Variants in PBX1 observed in about 807,000 individuals in gnomAD.
PBX1 encodes the protein PBX homeobox 1.
A neutral mutation model predicts 53.4 loss-of-function variants in PBX1; 6 were observed. That is an observed-to-expected ratio of 0.11 (90% CI 0.06 to 0.22). The LOEUF is 0.22. Ranked by LOEUF, PBX1 falls within the 10% of genes least tolerant of loss-of-function variation. PBX1 has a pLI of 1.00. For synonymous variants in PBX1, 204 were observed against 212.3 expected, an observed-to-expected ratio of 0.96 and a Z score of 0.34; for missense variants, 251 against 551.4, an observed-to-expected ratio of 0.46 and a Z score of 5.46.
At chr1:164,606,045 A>G (rs1656524798) in intron 2 of PBX1, among the ~76,000 whole-genome samples, 1 of 152,198 alleles carries the variant, frequency 6.6e-6, no homozygotes, top group Admixed American at 6.5e-5. Context: ...AAGCATATTG[A>G]TGATAGTGAA....
rs78785237 is a variant in PBX1, at chr1:164,673,776, C to G, written c.265+110465C>G. ...CTAGATGAAACTTTTATGGGAATGC[C>G]GTGATTCCACGCGGATCTCTCGGCA... On this transcript the variant is annotated intron_variant, in intron 2 of 8. Transcript: ENST00000420696. Among the ~76,000 whole-genome samples, 1,127 of 152,232 alleles carry G rather than the reference C, an allele frequency of 7.4e-3. 14 individuals are homozygous for G. Among genetic ancestry groups the G allele is most frequent in the African/African-American group, 0.026 (1,077 of 41,556 alleles).
At chr1:164,649,532 T>C (rs942132942) in intron 2 of PBX1, among the ~76,000 whole-genome samples, 5 of 152,140 alleles carry the variant, frequency 3.3e-5, no homozygotes, top group Admixed American at 6.5e-5. Flanking sequence ...CGAAAGTGGC[T>C]GTTTTCTGGT....
chr1:164,761,723 G>C (rs921153344), intron 2 of PBX1, among the ~76,000 whole-genome samples: 3 of 152,184 alleles, frequency 2.0e-5, no homozygotes, highest in Non-Finnish European at 4.4e-5. Context: ...GATTACAGGC[G>C]TGAGCCACCG....
chr1:164,569,869 GCT>G (rs1356424430), intron 2 of PBX1, among the ~76,000 whole-genome samples: 13 of 152,016 alleles, frequency 8.6e-5, no homozygotes, highest in African/African-American at 3.1e-4. Flanking sequence ...TGTTTCCCTT[GCT>G]ATTCTCTTAA....
chr1:164,621,378 A>G (rs537234878), intron 2 of PBX1, among the ~76,000 whole-genome samples: 1 of 152,312 alleles, frequency 6.6e-6, no homozygotes, highest in African/African-American at 2.4e-5. Context: ...GGGGGCGAGA[A>G]TTAGGTTCCC....
intron 2 of PBX1, among the ~76,000 whole-genome samples, chr1:164,703,619 G>A (rs563265734): frequency 6.6e-6 from 1 of 152,308 alleles, no homozygotes; most frequent in African/African-American, 2.4e-5. Context: ...ACATGTGACA[G>A]CTTGGGTGTC....
intron 2 of PBX1, among the ~76,000 whole-genome samples, chr1:164,681,397 C>T (rs948182375): frequency 2.0e-5 from 3 of 151,688 alleles, no homozygotes; most frequent in African/African-American, 7.3e-5. Context: ...GGAATGAACA[C>T]TAGAAAGTAA....
intron 2 of PBX1, among the ~76,000 whole-genome samples, chr1:164,756,084 G>A (rs1191413193): frequency 6.6e-6 from 1 of 151,918 alleles, no homozygotes; most frequent in Non-Finnish European, 1.5e-5. Flanking sequence ...TAATATCTGT[G>A]CTGGCACGTT....
chr1:164,811,943 T>C, intron 5 of PBX1, 47 bp from the exon 6 acceptor site: 1 of 1,540,162 alleles, frequency 6.5e-7, no homozygotes, highest in South Asian at 1.2e-5. Context: ...GCAATGTTTC[T>C]GAAGGATGAA....
At chr1:164,884,890 G>GTA (rs1238140555) in intron 2 of PBX1, among the ~76,000 whole-genome samples, 2 of 152,218 alleles carry the variant, frequency 1.3e-5, no homozygotes, top group South Asian at 2.1e-4. Flanking sequence ...GAATAGCTAG[G>GTA]TATATATATG....
At chr1:164,842,241 C>G (rs1671338336) in intron 8 of PBX1, among the ~76,000 whole-genome samples, 1 of 152,148 alleles carries the variant, frequency 6.6e-6, no homozygotes, top group African/African-American at 2.4e-5. Flanking sequence ...GTTTTGGTTG[C>G]AATTCTGTGT....
chr1:164,846,891 C>T lies in PBX1; in HGVS notation c.*215C>T. On this transcript the variant is annotated 3_prime_UTR_variant, in exon 9 of 9. Coordinates refer to ENST00000420696, the MANE Select transcript of PBX1 (RefSeq NM_002585.4). ...TTCCCTTTTTTTTCTGGGTAGAAGC[C>T]ACCCTTCCCTGCCTCCAGCTGTCAG... 2 of 1,387,572 alleles carry T rather than the reference C, an allele frequency of 1.4e-6. No homozygotes were observed. Among genetic ancestry groups the T allele is most frequent in the Non-Finnish European group, 1.9e-6 (2 of 1,070,412 alleles). 86.0% of individuals were successfully genotyped at this position (1,387,572 alleles called of 1,614,324 possible).
chr1:164,884,213 T>C (rs1277679953), intron 2 of PBX1, among the ~76,000 whole-genome samples: 4 of 152,230 alleles, frequency 2.6e-5, no homozygotes, highest in African/African-American at 9.6e-5. Context: ...ATCACATTTT[T>C]TTCTTAAAAA....
chr1:164,805,300 T>C (rs771301895), intron 4 of PBX1, among the ~76,000 whole-genome samples: 8 of 152,168 alleles, frequency 5.3e-5, no homozygotes, highest in Non-Finnish European at 1.0e-4. Context: ...CTCAACCTTA[T>C]TGTAGAAAGG....
intron 2 of PBX1, among the ~76,000 whole-genome samples, chr1:164,740,505 G>A (rs1665548365): frequency 1.3e-5 from 2 of 152,018 alleles, no homozygotes; most frequent in African/African-American, 4.8e-5. Context: ...GATGTAAAAA[G>A]CAAACCCATA....
At chr1:164,846,188 A>G (rs1671561349) in intron 8 of PBX1, among the ~76,000 whole-genome samples, 1 of 152,142 alleles carries the variant, frequency 6.6e-6, no homozygotes, top group Non-Finnish European at 1.5e-5. Flanking sequence ...TTATTTTTCA[A>G]AAAAGAAGAC....
chr1:164,752,711 G>C (rs113309146), intron 2 of PBX1, among the ~76,000 whole-genome samples: 1,741 of 152,212 alleles, frequency 0.011, 22 homozygotes, highest in South Asian at 0.045. Flanking sequence ...TAATTTTATG[G>C]AACATGGAAG....
chr1:164,830,665 C>A (rs951953340), intron 8 of PBX1, among the ~76,000 whole-genome samples: 1 of 152,202 alleles, frequency 6.6e-6, no homozygotes, highest in Admixed American at 6.5e-5. Flanking sequence ...TCATCTTGAA[C>A]TCTTTCTTTA....
At chr1:164,765,370 A>T (rs1401973596) in intron 2 of PBX1, among the ~76,000 whole-genome samples, 1 of 152,230 alleles carries the variant, frequency 6.6e-6, no homozygotes, top group Non-Finnish European at 1.5e-5. Flanking sequence ...AGAACACAGA[A>T]TAATTTCTAT....
Sources: gnomAD v4.1 joint callset for allele counts (sites outside exome capture counted in the v4.1 genomes callset) on GRCh38, gnomAD v4.1.1 for gene constraint, MANE v1.5 for transcripts, NCBI Gene and HGNC (gene_info 2026-07-23, HGNC 2026-07-21) for gene names.